HIVEP3: variants seen among roughly 807,000 people sequenced by gnomAD.
HIVEP3 encodes transcription factor HIVEP3.
In HIVEP3, 49 loss-of-function variants were observed where a neutral mutation model predicts 152.8. The observed-to-expected ratio is 0.32, with a 90% CI of 0.26 to 0.41. The LOEUF (loss-of-function observed/expected upper bound fraction) is 0.41, where lower values mean the gene tolerates loss of function less well. Ranked by LOEUF, HIVEP3 falls within the 10% of genes least tolerant of loss-of-function variation. HIVEP3 has a pLI of 1.00. For synonymous variants in HIVEP3, 1,269 were observed against 1,289.0 expected, an observed-to-expected ratio of 0.98 and a Z score of 0.33; for missense variants, 2,790 against 3,103.3, an observed-to-expected ratio of 0.90 and a Z score of 2.40.
chr1:41,678,529 G>A (rs915137786), intron 2 of HIVEP3, among the ~76,000 whole-genome samples: 4 of 150,700 alleles, frequency 2.7e-5, no homozygotes, highest in African/African-American at 7.5e-5. Flanking sequence ...GGTGGCCTCC[G>A]GCTCGCGCTC....
At chr1:41,545,117 TACCATCATCACCACTACCACCATCACC>T (rs1643713151) in intron 5 of HIVEP3, among the ~76,000 whole-genome samples, 1 of 69,700 alleles carries the variant, frequency 1.4e-5, no homozygotes, top group Non-Finnish European at 2.8e-5. Context: ...CCACCACCAC[TACCATCATCACCACTACCACCATCACC>T]ACCAACACCA....
At chr1:41,712,336 C>T (rs1048036907) in intron 1 of HIVEP3, among the ~76,000 whole-genome samples, 2 of 152,254 alleles carry the variant, frequency 1.3e-5, no homozygotes, top group Admixed American at 1.3e-4. Flanking sequence ...CTTGTGCGCA[C>T]CAGGCACTGC....
At chr1:41,561,491 C>T (rs1172478236) in intron 5 of HIVEP3, among the ~76,000 whole-genome samples, 1 of 151,706 alleles carries the variant, frequency 6.6e-6, no homozygotes, top group Non-Finnish European at 1.5e-5. Flanking sequence ...TTCTCAGACA[C>T]TCCATCTGTC....
At chr1:41,522,801 G>A (rs1212781849) in intron 6 of HIVEP3, among the ~76,000 whole-genome samples, 2 of 152,038 alleles carry the variant, frequency 1.3e-5, no homozygotes, top group Non-Finnish European at 2.9e-5. Context: ...CCAGTCTCAC[G>A]CGGCAGAGTG....
At chr1:41,563,764 C>A (rs897856712) in intron 5 of HIVEP3, among the ~76,000 whole-genome samples, 6 of 151,998 alleles carry the variant, frequency 3.9e-5, no homozygotes, top group African/African-American at 1.5e-4. Context: ...AGGAAAAAAA[C>A]CTAAAAACAG....
intron 1 of HIVEP3, among the ~76,000 whole-genome samples, chr1:41,870,923 T>C (rs1339038457): frequency 1.3e-5 from 2 of 152,334 alleles, no homozygotes; most frequent in East Asian, 3.9e-4. Context: ...AATCTGTAAA[T>C]TGAGAATAAG....
chr1:41,534,375 A>G (rs903694319), intron 5 of HIVEP3, among the ~76,000 whole-genome samples: 1 of 147,814 alleles, frequency 6.8e-6, no homozygotes, highest in Non-Finnish European at 1.5e-5. Flanking sequence ...CCCTCCAGCC[A>G]TGCCAAAGGT....
At chr1:42,029,528 T>C (rs995092964) in intron 1 of HIVEP3, among the ~76,000 whole-genome samples, 1 of 152,228 alleles carries the variant, frequency 6.6e-6, no homozygotes, top group African/African-American at 2.4e-5. Flanking sequence ...AAAGGCATGA[T>C]ACTTGAAAAT....
At chr1:41,521,868 A>G (rs982070945) in intron 6 of HIVEP3, among the ~76,000 whole-genome samples, 1 of 152,242 alleles carries the variant, frequency 6.6e-6, no homozygotes, top group East Asian at 1.9e-4. Flanking sequence ...GGGCCTGGAC[A>G]TGGCACAGCC....
chr1:41,894,039 ACCT>A (rs1644492104), intron 1 of HIVEP3, among the ~76,000 whole-genome samples: 1 of 151,536 alleles, frequency 6.6e-6, no homozygotes, highest in Non-Finnish European at 1.5e-5. Context: ...TCCTGCCTCA[ACCT>A]CCTGAGTAGC....
intron 5 of HIVEP3, among the ~76,000 whole-genome samples, chr1:41,569,540 C>G (rs1433837488): frequency 6.6e-6 from 1 of 152,172 alleles, no homozygotes; most frequent in Non-Finnish European, 1.5e-5. Flanking sequence ...GAGTTCACAG[C>G]AAAATGGGAC....
intron 1 of HIVEP3, among the ~76,000 whole-genome samples, chr1:41,762,265 T>C (rs1470730764): frequency 6.6e-6 from 1 of 152,188 alleles, no homozygotes; most frequent in East Asian, 1.9e-4. Context: ...ATAAAACTCT[T>C]ATATGCCCTT....
intron 1 of HIVEP3, among the ~76,000 whole-genome samples, chr1:41,738,194 G>A (rs1646946324): frequency 6.6e-6 from 1 of 152,218 alleles, no homozygotes; most frequent in South Asian, 2.1e-4. Flanking sequence ...GGAAGGACGA[G>A]CGGGAAGCAG....
intron 1 of HIVEP3, among the ~76,000 whole-genome samples, chr1:41,805,273 G>A (rs1229103294): frequency 6.6e-6 from 1 of 152,228 alleles, no homozygotes; most frequent in Non-Finnish European, 1.5e-5. Flanking sequence ...GGAGGCGGAA[G>A]TTGCCAGGAG....
intron 5 of HIVEP3, among the ~76,000 whole-genome samples, chr1:41,526,437 C>T (rs372483342): frequency 3.9e-4 from 57 of 145,338 alleles, no homozygotes; most frequent in Admixed American, 3.0e-3. Flanking sequence ...CACCCTCATA[C>T]GCTCACCCTC....
intron 7 of HIVEP3, among the ~76,000 whole-genome samples, chr1:41,517,757 C>T (rs193209183): frequency 1.3e-5 from 2 of 152,336 alleles, no homozygotes; most frequent in East Asian, 1.9e-4. Flanking sequence ...TTCGACTCCT[C>T]TGCCCTGTCT....
At chr1:41,712,476 C>T (rs1199654814) in intron 1 of HIVEP3, among the ~76,000 whole-genome samples, 3 of 152,086 alleles carry the variant, frequency 2.0e-5, no homozygotes, top group African/African-American at 4.8e-5. Flanking sequence ...GTGTAAGCAC[C>T]GAAAAGGAAA....
chr1:41,928,872 G>C (rs1644981210), intron 1 of HIVEP3, among the ~76,000 whole-genome samples: 2 of 152,188 alleles, frequency 1.3e-5, no homozygotes, highest in Admixed American at 6.5e-5. Context: ...CTGGCTGGGT[G>C]AGGTGGCTCA....
chr1:41,632,883 G>A (rs1645216062), intron 2 of HIVEP3, among the ~76,000 whole-genome samples: 1 of 152,236 alleles, frequency 6.6e-6, no homozygotes. Flanking sequence ...AGTGGGAGGT[G>A]CTGTGTAGGG....
Sources: allele counts gnomAD v4.1 joint callset (sites outside exome capture counted in the v4.1 genomes callset), GRCh38; gene constraint gnomAD v4.1.1; transcripts MANE v1.5; gene names NCBI Gene and HGNC (gene_info 2026-07-23, HGNC 2026-07-21).